Variants in PPM1E observed in about 807,000 individuals in gnomAD.
PPM1E encodes the protein protein phosphatase 1E.
In PPM1E, 20 loss-of-function variants were observed where a neutral mutation model predicts 65.9. That is an observed-to-expected ratio of 0.30 (90% CI 0.21 to 0.44). PPM1E has a LOEUF of 0.44. PPM1E is among the 20% of genes least tolerant of loss of function. PPM1E has a pLI of 1.00. For synonymous variants in PPM1E, 352 were observed against 374.9 expected (o/e 0.94, Z 0.70); for missense variants, 713 against 953.1 (o/e 0.75, Z 3.32).
chr17:58,814,385 A>G (rs1422901130), intron 1 of PPM1E, among the ~76,000 whole-genome samples: 3 of 152,328 alleles, frequency 2.0e-5, no homozygotes, highest in South Asian at 2.1e-4. Context: ...ATATTTTTAT[A>G]TACACATTTG....
intron 1 of PPM1E, among the ~76,000 whole-genome samples, chr17:58,794,133 C>G (rs2050183692): frequency 6.6e-6 from 1 of 152,104 alleles, no homozygotes; most frequent in East Asian, 1.9e-4. Context: ...TTAGTAGAGA[C>G]AGGGTTTTGC....
chr17:58,892,263 G>A (rs1453250007), intron 1 of PPM1E, among the ~76,000 whole-genome samples: 1 of 152,154 alleles, frequency 6.6e-6, no homozygotes, highest in Non-Finnish European at 1.5e-5. Context: ...ATACATGCTT[G>A]TGTTACATTT....
intron 1 of PPM1E, among the ~76,000 whole-genome samples, chr17:58,879,356 T>C (rs182350862): frequency 6.6e-6 from 1 of 151,014 alleles, no homozygotes; most frequent in East Asian, 1.9e-4. Flanking sequence ...ATCAAACTCC[T>C]GGACTCAAGC....
chr17:58,832,810 T>TTTTGTTTGTTTGTTTG (rs3059831), intron 1 of PPM1E, among the ~76,000 whole-genome samples: 9 of 150,788 alleles, frequency 6.0e-5, no homozygotes, highest in African/African-American at 2.2e-4. Context: ...TTCACCAGGT[T>TTTTGTTTGTTTGTTTG]TTTGTTTGTT....
chr17:58,967,519 T>TA, intron 3 of PPM1E, among the ~76,000 whole-genome samples: 1 of 145,176 alleles, frequency 6.9e-6, no homozygotes, highest in South Asian at 2.2e-4. Flanking sequence ...TATATATATA[T>TA]AGAGAGAGAG....
At chr17:58,794,728 G>C (rs936908361) in intron 1 of PPM1E, among the ~76,000 whole-genome samples, 2 of 152,074 alleles carry the variant, frequency 1.3e-5, no homozygotes, top group Non-Finnish European at 2.9e-5. Context: ...CCATGTTGCT[G>C]CAAAGGACAT....
intron 1 of PPM1E, among the ~76,000 whole-genome samples, chr17:58,787,581 C>A (rs2144234103): frequency 6.6e-6 from 1 of 152,064 alleles, no homozygotes; most frequent in Admixed American, 6.6e-5. Flanking sequence ...GTATACATAA[C>A]CATACAGAAG....
chr17:58,823,555 CTGT>C (rs1001242524), intron 1 of PPM1E, among the ~76,000 whole-genome samples: 3 of 152,100 alleles, frequency 2.0e-5, no homozygotes, highest in African/African-American at 4.8e-5. Flanking sequence ...TCTGAATCAC[CTGT>C]TGTTCAGTTA....
intron 1 of PPM1E, among the ~76,000 whole-genome samples, chr17:58,952,996 C>T (rs563882580): frequency 7.9e-5 from 12 of 152,096 alleles, no homozygotes; most frequent in Non-Finnish European, 1.3e-4. Flanking sequence ...TTCTTAATGA[C>T]AGCTCCTTAA....
intron 2 of PPM1E, among the ~76,000 whole-genome samples, chr17:58,960,765 C>CAAAAAA (rs58614877): frequency 1.5e-5 from 1 of 68,914 alleles, no homozygotes. Context: ...GACTCTGTCT[C>CAAAAAA]AAAAAAAAAA....
At chr17:58,818,637 A>T (rs952077051) in intron 1 of PPM1E, among the ~76,000 whole-genome samples, 6 of 152,224 alleles carry the variant, frequency 3.9e-5, no homozygotes, top group African/African-American at 1.4e-4. Flanking sequence ...GGTACTGGCA[A>T]CCCATATATG....
chr17:58,852,236 G>A (rs1348706249), intron 1 of PPM1E, among the ~76,000 whole-genome samples: 1 of 152,132 alleles, frequency 6.6e-6, no homozygotes, highest in Non-Finnish European at 1.5e-5. Flanking sequence ...CCCGGGTGAA[G>A]CACTGCCCCA....
At chr17:58,801,850 G>A (rs1271957833) in intron 1 of PPM1E, among the ~76,000 whole-genome samples, 1 of 151,648 alleles carries the variant, frequency 6.6e-6, no homozygotes, top group African/African-American at 2.4e-5. Flanking sequence ...TCCGCCTTCT[G>A]GGTTTAAGCT....
At chr17:58,762,478 C>A (rs2049830607) in intron 1 of PPM1E, among the ~76,000 whole-genome samples, 1 of 151,710 alleles carries the variant, frequency 6.6e-6, no homozygotes, top group South Asian at 2.1e-4. Context: ...AAAAAAGTTT[C>A]TATGACAAAA....
intron 1 of PPM1E, among the ~76,000 whole-genome samples, chr17:58,929,555 G>A (rs2051866465): frequency 6.6e-6 from 1 of 152,142 alleles, no homozygotes; most frequent in Non-Finnish European, 1.5e-5. Context: ...GAAATAAGAT[G>A]CACTGATGGA....
intron 1 of PPM1E, among the ~76,000 whole-genome samples, chr17:58,883,115 C>T (rs912029801): frequency 6.6e-6 from 1 of 151,790 alleles, no homozygotes; most frequent in African/African-American, 2.4e-5. Context: ...GCCACCACGC[C>T]CAGCTAATTT....
In PPM1E at chr17:58,955,784, A is replaced by G. The variant is rs377101092; in HGVS notation, c.583+17A>G. ...GGACTGTGGGTGAGTACCTTTCTAC[A>G]TTATTTGTTTAAAAATACTAGAATC... On this transcript the variant is annotated intron_variant, in intron 2 of 6. Transcript: ENST00000308249. 2.6e-6 allele frequency: 4 copies of G among 1,565,882 alleles called. No homozygotes were observed. The South Asian group carries it at 3.7e-5, about 14-fold the overall frequency.
Position 58,982,927 on chromosome 17 carries a change from A to G in PPM1E, c.*1896A>G. ...TCAGTTTCAAATCAAATTATCTAAGAAAACAAGAAAACAAAGGCAGCAGAC... is the reference window on the plus strand; with the variant it reads ...TCAGTTTCAAATCAAATTATCTAAGGAAACAAGAAAACAAAGGCAGCAGAC... On this transcript the variant is annotated 3_prime_UTR_variant, in exon 7 of 7. Transcript: ENST00000308249. 6.4e-7 allele frequency: 1 copy of G among 1,574,550 alleles called. No individual in the cohort carries two copies. Among genetic ancestry groups the G allele is most frequent in the East Asian group, 2.3e-5 (1 of 43,404 alleles).
At chr17:58,788,191 C>T (rs1169186706) in intron 1 of PPM1E, among the ~76,000 whole-genome samples, 1 of 151,974 alleles carries the variant, frequency 6.6e-6, no homozygotes, top group Non-Finnish European at 1.5e-5. Flanking sequence ...GCTGGGATTA[C>T]AGGCGCTCGG....
Sources: allele counts gnomAD v4.1 joint callset (sites outside exome capture counted in the v4.1 genomes callset), GRCh38; gene constraint gnomAD v4.1.1; transcripts MANE v1.5; gene names NCBI Gene and HGNC (gene_info 2026-07-23, HGNC 2026-07-21).